The following PIEZO1 variants were observed in gnomAD, a reference collection of about 807,000 sequenced individuals.
PIEZO1 encodes piezo-type mechanosensitive ion channel component 1.
PIEZO1 carries 296 observed loss-of-function variants against 297.2 expected under a neutral mutation model. That is an observed-to-expected ratio of 1.00 (90% CI 0.91 to 1.10). PIEZO1 has a LOEUF of 1.10. Ranked by LOEUF, PIEZO1 falls within the 50% of genes least tolerant of loss-of-function variation. PIEZO1 has a pLI of 0.00. For missense variants in PIEZO1, 5,018 were observed against 3,455.5 expected (o/e 1.45, Z -11.34); for synonymous variants, 2,427 against 1,507.5 (o/e 1.61, Z -14.13).
chr16:88,754,217 G>C (rs931042393), intron 1 of PIEZO1, among the ~76,000 whole-genome samples: 4 of 152,200 alleles, frequency 2.6e-5, no homozygotes, highest in African/African-American at 9.7e-5. Context: ...CAGTCAGGAG[G>C]GGAGAGGCTG....
intron 39 of PIEZO1, among the ~76,000 whole-genome samples, 154 bp from the exon 40 acceptor site, chr16:88,720,902 G>A (rs539073989): frequency 1.7e-4 from 26 of 152,308 alleles, no homozygotes; most frequent in African/African-American, 6.0e-4. Flanking sequence ...GGAGACAGCT[G>A]GGGCTGTGTC....
At chr16:88,750,538 TCATCCTGAGAGTCCGGCCAGTGCCTG>T (rs1484500941) in intron 1 of PIEZO1, among the ~76,000 whole-genome samples, 1 of 152,188 alleles carries the variant, frequency 6.6e-6, no homozygotes, top group Non-Finnish European at 1.5e-5. Flanking sequence ...CCTCCCACCC[TCATCCTGAGAGTCCGGCCAGTGCCTG>T]CATCAGTCCC....
At position 88,731,818 on chromosome 16, in the gene PIEZO1, G is replaced by T. The variant is rs999319090; in HGVS notation, c.3084C>A (p.Arg1028=). ...GGCGGGCAATGGCCTGGCGGTGCCTGCGGGTGAGGATGGCCACCAGCCAGC... is the reference window on the plus strand; with the variant it reads ...GGCGGGCAATGGCCTGGCGGTGCCTTCGGGTGAGGATGGCCACCAGCCAGC... ...HGCWLVAILT[R]RHRQAIARLW... The change falls in exon 22 of 51, where the codon CGC becomes CGA. Residue 1028 remains arginine (R), a synonymous_variant. Coordinates refer to ENST00000301015, the MANE Select transcript of PIEZO1 (RefSeq NM_001142864.4). 2 of 1,533,978 alleles carry T rather than the reference G, an allele frequency of 1.3e-6. No individual in the cohort carries two copies. Among genetic ancestry groups the T allele is most frequent in the Non-Finnish European group, 1.8e-6 (2 of 1,138,676 alleles).
intron 1 of PIEZO1, among the ~76,000 whole-genome samples, chr16:88,777,656 C>CT (rs1241716220): frequency 2.0e-5 from 3 of 152,238 alleles, no homozygotes; most frequent in African/African-American, 7.2e-5. Context: ...TTAAACGGTA[C>CT]TTTAACCATA....
Position 88,741,572 on chromosome 16 carries a change from GGGGC to G in PIEZO1, c.367_370del (p.Ala123LeufsTer82). On this transcript the variant is annotated frameshift_variant, in exon 5 of 51. Coordinates refer to ENST00000301015, the MANE Select transcript of PIEZO1 (RefSeq NM_001142864.4). LOFTEE classifies it high-confidence loss of function. The stretch of plus-strand genomic sequence containing the variant: ...GGAGACCACCAAGATGCCCAGGTCA[GGGGC>G]CACCAGCCGGATGGCGTTGGGGATG... 6.5e-7 allele frequency: 1 copy of G among 1,535,712 alleles called. No homozygotes were observed. The highest frequency in any genetic ancestry group is 8.7e-7 in the Non-Finnish European group (1 of 1,146,772).
At chr16:88,761,317 A>G (rs1906922705) in intron 1 of PIEZO1, among the ~76,000 whole-genome samples, 1 of 152,180 alleles carries the variant, frequency 6.6e-6, no homozygotes, top group South Asian at 2.1e-4. Context: ...AGGGTTCCCC[A>G]GGTGACCTGC....
rs1905132340 is a variant in PIEZO1, at chr16:88,735,255, A to C, written c.1558-9T>G. On this transcript the variant is annotated splice_polypyrimidine_tract_variant and intron_variant, in intron 12 of 50. Coordinates refer to ENST00000301015, the MANE Select transcript of PIEZO1 (RefSeq NM_001142864.4). ...GTCAGGGTGTAGAGCAACTGTGACA[A>C]GCGCAGGGTGTCACAGTCAGCCGGG... is the stretch of plus-strand genomic sequence containing the variant. 1 of 1,534,726 alleles carries C rather than the reference A, an allele frequency of 6.5e-7. No individual in the cohort carries two copies.
In PIEZO1 at chr16:88,721,353, G is replaced by C. The variant is rs181795315; in HGVS notation, c.5481C>G (p.Ala1827=). ...HDKSGEEEQG[A]EEGPGVPAAT... ...CCGCAGGCACCCCTGGCCCCTCCTC[G>C]GCTCCCTGCTCCTCCTCGCCGCTCT... is the stretch of plus-strand genomic sequence containing the variant. The change falls in exon 39 of 51, where the codon GCC becomes GCG. Residue 1827 remains alanine (A), a synonymous_variant. Coordinates refer to ENST00000301015, the MANE Select transcript of PIEZO1 (RefSeq NM_001142864.4). 26 of 1,548,696 alleles carry C rather than the reference G, an allele frequency of 1.7e-5. No individual in the cohort carries two copies. The highest frequency in any genetic ancestry group is 2.1e-5 in the Non-Finnish European group (24 of 1,146,908).
At position 88,741,656 on chromosome 16, in the gene PIEZO1, A is replaced by C. The variant is rs780344815; in HGVS notation, c.327-40T>G. 9.9e-6 allele frequency: 15 copies of C among 1,522,652 alleles called. No homozygotes were observed. The South Asian group carries it at 1.8e-4, about 18-fold the overall frequency. The allele number at this position is 1,522,652 out of a possible 1,614,324, so 94.3% of individuals were successfully genotyped here. On this transcript the variant is annotated intron_variant, in intron 4 of 50. Transcript: ENST00000301015. The stretch of plus-strand genomic sequence containing the variant: ...GAGCAGCCGCGGTCAGACCAAGAGG[A>C]CAGGTGTGGGTGTGAGTGTGGATGG...
intron 1 of PIEZO1, among the ~76,000 whole-genome samples, chr16:88,756,988 A>G (rs1451507015): frequency 6.6e-6 from 1 of 151,982 alleles, no homozygotes. Flanking sequence ...AGGCAGGAGA[A>G]TGGCGTGAAC....
intron 2 of PIEZO1, among the ~76,000 whole-genome samples, chr16:88,747,996 T>C (rs538160461): frequency 1.3e-5 from 2 of 152,246 alleles, no homozygotes; most frequent in South Asian, 2.1e-4. Context: ...CTCGTAGCCA[T>C]GGACAGGCCC....
chr16:88,779,628 G>A (rs1030853183), intron 1 of PIEZO1, among the ~76,000 whole-genome samples: 3 of 152,188 alleles, frequency 2.0e-5, no homozygotes, highest in Non-Finnish European at 4.4e-5. Context: ...CTGAGTGGTC[G>A]GGAATCTGCA....
At position 88,725,609 on chromosome 16, in the gene PIEZO1, G is replaced by A. The variant is rs762819234; in HGVS notation, c.4044C>T (p.Ala1348=). 4 of 1,548,720 alleles carry A rather than the reference G, an allele frequency of 2.6e-6. No homozygotes were observed. The African/African-American group carries it at 5.5e-5, about 21-fold the overall frequency. Residue 1348 remains alanine, a synonymous_variant, in exon 28 of 51, where the codon GCC becomes GCT. Transcript: ENST00000301015. The part of the protein sequence containing the change: ...FHRRIEEKSL[A]QLKRQMERIR... The stretch of plus-strand genomic sequence containing the variant: ...GAGGCACCTACTGTCTTTTCAGCTG[G>A]GCCAGGGACTTCTCCTCTATCCTGC...
chr16:88,719,267 GGC>G, intron 44 of PIEZO1: 1 of 344,212 alleles, frequency 2.9e-6, no homozygotes, highest in Non-Finnish European at 5.4e-6. Flanking sequence ...CTCTGAGAAA[GGC>G]CATTAAACAA....
intron 1 of PIEZO1, among the ~76,000 whole-genome samples, chr16:88,767,836 G>A (rs1004491777): frequency 3.3e-5 from 5 of 152,038 alleles, no homozygotes; most frequent in Non-Finnish European, 5.9e-5. Context: ...TTGAGGGATC[G>A]AGGGGACTCA....
intron 1 of PIEZO1, among the ~76,000 whole-genome samples, chr16:88,750,488 G>A (rs1906333423): frequency 6.6e-6 from 1 of 152,264 alleles, no homozygotes; most frequent in African/African-American, 2.4e-5. Flanking sequence ...CATGTCCCGT[G>A]TCTGCCCTCC....
intron 1 of PIEZO1, 99 bp downstream of exon 1, chr16:88,784,802 C>G (rs1908102884): frequency 3.4e-6 from 3 of 875,410 alleles, no homozygotes; most frequent in Non-Finnish European, 4.7e-6. Context: ...CCCGCTCGCC[C>G]GCAGCCCTCG....
chr16:88,715,341 G>C lies in PIEZO1; in HGVS notation c.*264C>G, dbSNP rs541902668. The C allele has an allele frequency of 2.2e-4, 298 of 1,338,656 alleles. No individual in the cohort carries two copies. Among genetic ancestry groups the C allele is most frequent in the Non-Finnish European group, 2.9e-4 (285 of 974,680 alleles). The allele number at this position is 1,338,656 out of a possible 1,614,324, so 82.9% of individuals were successfully genotyped here. Reference sequence around the variant, plus strand: ...AGGCAAGGACGGGGGACTGGCCTCTGATTGTCCATTTGTATAAATAAAACA... The same window carrying C: ...AGGCAAGGACGGGGGACTGGCCTCTCATTGTCCATTTGTATAAATAAAACA... On this transcript the variant is annotated 3_prime_UTR_variant, in exon 51 of 51. Coordinates refer to ENST00000301015, the MANE Select transcript of PIEZO1 (RefSeq NM_001142864.4).
intron 39 of PIEZO1, 86 bp from the exon 40 acceptor site, chr16:88,720,834 C>CTTG: frequency 7.3e-7 from 1 of 1,371,448 alleles, no homozygotes; most frequent in Non-Finnish European, 9.6e-7. Context: ...GGCTGGCATT[C>CTTG]TCCCTGTTTG....
Sources: gnomAD v4.1 joint callset for allele counts (sites outside exome capture counted in the v4.1 genomes callset) on GRCh38, gnomAD v4.1.1 for gene constraint, MANE v1.5 for transcripts, NCBI Gene and HGNC (gene_info 2026-07-23, HGNC 2026-07-21) for gene names.